The following SETBP1 variants were observed in gnomAD, a reference collection of about 807,000 sequenced individuals.
SETBP1 encodes the protein SET-binding protein.
In SETBP1, 9 loss-of-function variants were observed where a neutral mutation model predicts 101.0. The ratio of observed to expected loss-of-function variants is 0.09; its 90% confidence interval spans 0.05 to 0.16. The LOEUF is 0.16. Ranked by LOEUF, SETBP1 falls within the 10% of genes least tolerant of loss-of-function variation. The pLI is 1.00. For missense variants in SETBP1, 1,858 were observed against 2,033.8 expected (o/e 0.91, Z 1.66); for synonymous variants, 818 against 788.5 (o/e 1.04, Z -0.63).
At chr18:44,920,585 G>GAAAAACAAGA (rs575448362) in intron 3 of SETBP1, among the ~76,000 whole-genome samples, 72 of 152,274 alleles carry the variant, frequency 4.7e-4, no homozygotes, top group Non-Finnish European at 8.7e-4. Flanking sequence ...GTAAAAGGGA[G>GAAAAACAAGA]AAAAACAAGA....
intron 4 of SETBP1, among the ~76,000 whole-genome samples, chr18:45,005,887 C>A (rs2072714314): frequency 6.7e-6 from 1 of 150,018 alleles, no homozygotes; most frequent in Admixed American, 6.7e-5. Flanking sequence ...ACCTCATGAT[C>A]TGCCCACCTC....
intron 2 of SETBP1, among the ~76,000 whole-genome samples, chr18:44,750,898 T>C (rs2070366791): frequency 6.6e-6 from 1 of 152,288 alleles, no homozygotes; most frequent in South Asian, 2.1e-4. Context: ...AGGAGACCAC[T>C]GTGGGCCAGT....
intron 2 of SETBP1, among the ~76,000 whole-genome samples, chr18:44,782,493 A>G (rs1283555172): frequency 6.6e-6 from 1 of 152,210 alleles, no homozygotes; most frequent in African/African-American, 2.4e-5. Flanking sequence ...AGGAGGAAAG[A>G]TGAAGAAAGC....
chr18:44,808,456 C>T (rs1000958084), intron 2 of SETBP1, among the ~76,000 whole-genome samples: 5 of 152,158 alleles, frequency 3.3e-5, no homozygotes, highest in African/African-American at 7.2e-5. Flanking sequence ...TCAGAGCCAA[C>T]GAGAGTAGCT....
At chr18:44,854,272 G>A (rs1348470342) in intron 2 of SETBP1, among the ~76,000 whole-genome samples, 2 of 152,084 alleles carry the variant, frequency 1.3e-5, no homozygotes, top group Non-Finnish European at 1.5e-5. Context: ...AAAGAAACTC[G>A]CAGACATGTA....
At position 44,896,482 on chromosome 18, in the gene SETBP1, C is replaced by T. The variant is rs543700332; in HGVS notation, c.540+27199C>T. ...TTGAAGACAGACATCATCCCTGACC[C>T]TCCCCACTCTACATCCAAGTTTTTT... On this transcript the variant is annotated intron_variant, in intron 3 of 5. Coordinates refer to ENST00000649279, the MANE Select transcript of SETBP1 (RefSeq NM_015559.3). Among the ~76,000 whole-genome samples the T allele has an allele frequency of 9.2e-4, 140 of 152,264 alleles. 1 individual carries two copies. The highest frequency in any genetic ancestry group is 3.3e-3 in the African/African-American group (136 of 41,562).
chr18:44,966,466 A>G (rs1016221239), intron 4 of SETBP1, among the ~76,000 whole-genome samples: 2 of 151,994 alleles, frequency 1.3e-5, no homozygotes, highest in African/African-American at 4.8e-5. Context: ...TGTAACTAAT[A>G]TTTTCACTTT....
intron 3 of SETBP1, among the ~76,000 whole-genome samples, chr18:44,895,356 T>C (rs2069876730): frequency 6.6e-6 from 1 of 151,206 alleles, no homozygotes; most frequent in Non-Finnish European, 1.5e-5. Context: ...TGAAAAACCA[T>C]GAGTTCACAT....
intron 5 of SETBP1, among the ~76,000 whole-genome samples, chr18:45,043,317 A>G (rs2073545854): frequency 6.6e-6 from 1 of 151,928 alleles, no homozygotes; most frequent in South Asian, 2.1e-4. Context: ...GAAAGACTAG[A>G]CTAGCAATAA....
rs748393505 is a variant in SETBP1 at position 44,953,142 on chromosome 18, G to A, written c.3802G>A (p.Gly1268Arg). ...CACGAAAAGATACTCTGGCAGTGGC[G>A]GGGATGGTGGCAGCACGAGATCAGA... The part of the protein sequence containing the change: ...SCTKRYSGSG[G>R]DGGSTRSENL... Residue 1268 changes from glycine to arginine, a missense_variant, in exon 4 of 6, where the codon GGG becomes AGG. Physicochemically the swap from Gly to Arg is moderately radical, Grantham distance 125. Around this residue, in one of 12 missense-constraint regions of SETBP1, gnomAD observed 417 missense variants for 389.1 expected, o/e 1.07. Transcript: ENST00000649279. The A allele has an allele frequency of 2.5e-5, 40 of 1,613,984 alleles. No individual in the cohort carries two copies. The highest frequency in any genetic ancestry group is 1.6e-4 in the Middle Eastern group (1 of 6,084).
chr18:44,927,433 A>AT (rs2070730220), intron 3 of SETBP1, among the ~76,000 whole-genome samples: 2 of 152,186 alleles, frequency 1.3e-5, no homozygotes, highest in African/African-American at 4.8e-5. Context: ...GCTTCAAGAA[A>AT]TATACAATGT....
At chr18:44,833,753 A>G (rs1406952392) in intron 2 of SETBP1, among the ~76,000 whole-genome samples, 1 of 152,216 alleles carries the variant, frequency 6.6e-6, no homozygotes, top group African/African-American at 2.4e-5. Context: ...TTTTTACTCC[A>G]AGCTCCCCTG....
At chr18:44,687,550 G>T (rs2068858859) in intron 1 of SETBP1, among the ~76,000 whole-genome samples, 1 of 152,192 alleles carries the variant, frequency 6.6e-6, no homozygotes, top group African/African-American at 2.4e-5. Flanking sequence ...TGAGCTGAAT[G>T]TGAGGACATA....
chr18:44,867,737 G>C (rs780763445), intron 2 of SETBP1, among the ~76,000 whole-genome samples: 8 of 152,040 alleles, frequency 5.3e-5, no homozygotes, highest in East Asian at 3.9e-4. Context: ...ATGGGGAATG[G>C]GGGGGTGGGG....
At position 44,950,067 on chromosome 18, in the gene SETBP1, A is replaced by G; in HGVS notation, c.727A>G (p.Arg243Gly). The change falls in exon 4 of 6, where the codon AGA (arginine) becomes GGA (glycine). Residue 243 changes from arginine (R) to glycine (G), a missense_variant. Arg to Gly is a moderately radical substitution (Grantham distance 125). This residue lies in a region of SETBP1 where 581 missense variants were observed against 535.1 expected (regional missense o/e 1.09). Coordinates refer to ENST00000649279, the MANE Select transcript of SETBP1 (RefSeq NM_015559.3). ...TTGCTTCATCAGTCCAGAGTCTGGC[A>G]GAGAAACTGCAAGCACCAGCAAGAT... is the stretch of plus-strand genomic sequence containing the variant. ...QNCFISPESG[R>G]ETASTSKIPA... The G allele has an allele frequency of 6.2e-7, 1 of 1,614,236 alleles. No individual in the cohort carries two copies. Among genetic ancestry groups the G allele is most frequent in the East Asian group, 2.2e-5 (1 of 44,888 alleles).
At chr18:44,908,988 C>T (rs2144870114) in intron 3 of SETBP1, among the ~76,000 whole-genome samples, 1 of 152,330 alleles carries the variant, frequency 6.6e-6, no homozygotes, top group South Asian at 2.1e-4. Context: ...GTCATCATCA[C>T]ACCTCTGGAC....
Position 45,063,682 on chromosome 18 carries a change from G to A in SETBP1, c.4775G>A (p.Ser1592Asn), listed in dbSNP as rs765053169. The change falls in exon 6 of 6, where the codon AGC (serine) becomes AAC (asparagine). Residue 1592 changes from serine to asparagine, a missense_variant. By Grantham distance (46) the Ser-to-Asn change is conservative (BLOSUM62 1). Coordinates refer to ENST00000649279, the MANE Select transcript of SETBP1 (RefSeq NM_015559.3). ...CAGAGGAAGTCCCGAGGGAGTGAGA[G>A]CGAGGTCCTTCCCTAGGGCGGGTCT... is the stretch of plus-strand genomic sequence containing the variant. ...KRQRKSRGSE[S>N]EVLP 1.4e-5 allele frequency: 23 copies of A among 1,608,340 alleles called. No individual in the cohort carries two copies. The highest frequency in any genetic ancestry group is 1.8e-5 in the Non-Finnish European group (21 of 1,177,920).
chr18:44,708,250 C>T (rs549859134), intron 2 of SETBP1, among the ~76,000 whole-genome samples: 1 of 152,234 alleles, frequency 6.6e-6, no homozygotes, highest in Admixed American at 6.5e-5. Context: ...CTGGTCACTC[C>T]CAAGTGTACT....
intron 2 of SETBP1, among the ~76,000 whole-genome samples, chr18:44,744,970 T>C (rs1311870996): frequency 6.6e-6 from 1 of 152,040 alleles, no homozygotes; most frequent in Non-Finnish European, 1.5e-5. Context: ...GAAGCTGTTA[T>C]GCGCGTCTGG....
Sources: allele counts gnomAD v4.1 joint callset (sites outside exome capture counted in the v4.1 genomes callset), GRCh38; gene constraint gnomAD v4.1.1; regional missense constraint gnomAD v4.1.1; transcripts MANE v1.5; gene names NCBI Gene and HGNC (gene_info 2026-07-23, HGNC 2026-07-21).